Variants in NKAIN3 observed in about 807,000 individuals in gnomAD.
NKAIN3 encodes sodium/potassium-transporting ATPase subunit beta-1-interacting protein 3.
NKAIN3 carries 25 observed loss-of-function variants against 30.2 expected under a neutral mutation model. That is an observed-to-expected ratio of 0.83 (90% CI 0.60 to 1.16). NKAIN3 has a LOEUF of 1.16. Among genes scored for constraint, NKAIN3 ranks in the 50% most tolerant of loss-of-function variants. The probability of loss-of-function intolerance (pLI) is 0.00; values close to 1 mark genes in which losing one functional copy is unlikely to be tolerated. For missense variants in NKAIN3, 225 were observed against 254.1 expected (o/e 0.89, Z 0.78); for synonymous variants, 91 against 89.6 (o/e 1.02, Z -0.09).
chr8:62,808,179 C>T (rs560795567), intron 4 of NKAIN3, among the ~76,000 whole-genome samples: 76 of 152,182 alleles, frequency 5.0e-4, no homozygotes, highest in African/African-American at 1.7e-3. Context: ...GATGTGTCCA[C>T]GTGCTTGTCA....
At chr8:62,634,257 T>G (rs1240447281) in intron 3 of NKAIN3, among the ~76,000 whole-genome samples, 1 of 151,986 alleles carries the variant, frequency 6.6e-6, no homozygotes, top group Non-Finnish European at 1.5e-5. Context: ...ATCTGGACAA[T>G]GAGATACTAG....
chr8:62,527,882 G>GGGGTGTGTGTGT (rs1554543240), intron 1 of NKAIN3, among the ~76,000 whole-genome samples: 1 of 143,690 alleles, frequency 7.0e-6, no homozygotes, highest in African/African-American at 2.6e-5. Context: ...ACTTTTTTTT[G>GGGGTGTGTGTGT]GTGTGTGTGT....
intron 1 of NKAIN3, among the ~76,000 whole-genome samples, chr8:62,287,991 C>T (rs911533354): frequency 1.3e-5 from 2 of 152,152 alleles, no homozygotes; most frequent in Non-Finnish European, 2.9e-5. Context: ...ACCTCTTTCT[C>T]TTCTTTCTAC....
intron 1 of NKAIN3, among the ~76,000 whole-genome samples, chr8:62,540,432 A>C (rs1333711056): frequency 6.6e-6 from 1 of 152,198 alleles, no homozygotes; most frequent in African/African-American, 2.4e-5. Context: ...AGAACTATTC[A>C]TAAGTGAGCC....
intron 3 of NKAIN3, among the ~76,000 whole-genome samples, chr8:62,599,255 C>A (rs2130140043): frequency 6.6e-6 from 1 of 152,108 alleles, no homozygotes; most frequent in African/African-American, 2.4e-5. Context: ...TGTTTTAGTT[C>A]TCCCCATGCC....
At chr8:62,741,382 G>T in intron 3 of NKAIN3, among the ~76,000 whole-genome samples, 1 of 139,634 alleles carries the variant, frequency 7.2e-6, no homozygotes, top group South Asian at 2.2e-4. Flanking sequence ...AAGGAAGGAA[G>T]GAAGGAAGGA....
chr8:62,995,392 T>C (rs1026681322), intron 5 of NKAIN3, among the ~76,000 whole-genome samples: 3 of 151,714 alleles, frequency 2.0e-5, no homozygotes, highest in Admixed American at 6.6e-5. Flanking sequence ...AGCAAGAGAG[T>C]AGATGAATGA....
At chr8:62,701,706 C>A (rs1207297577) in intron 3 of NKAIN3, among the ~76,000 whole-genome samples, 2 of 152,138 alleles carry the variant, frequency 1.3e-5, no homozygotes, top group Non-Finnish European at 2.9e-5. Context: ...TCTCTGGAAC[C>A]CTGTTTCCAT....
chr8:62,492,771 T>G (rs1452396799), intron 1 of NKAIN3, among the ~76,000 whole-genome samples: 1 of 152,166 alleles, frequency 6.6e-6, no homozygotes, highest in Non-Finnish European at 1.5e-5. Context: ...ACTTTCATTT[T>G]AAGTTCAGTA....
chr8:62,575,760 A>G (rs1157474224), intron 1 of NKAIN3, among the ~76,000 whole-genome samples: 1 of 152,172 alleles, frequency 6.6e-6, no homozygotes, highest in East Asian at 1.9e-4. Flanking sequence ...CTGGCATAAA[A>G]ACAGACACAT....
intron 2 of NKAIN3, 55 bp from the exon 3 acceptor site, chr8:62,589,659 A>G: frequency 2.7e-6 from 2 of 731,588 alleles, no homozygotes; most frequent in Non-Finnish European, 4.8e-6. Flanking sequence ...TTTGATATAC[A>G]TGCCTTTCAT....
intron 3 of NKAIN3, among the ~76,000 whole-genome samples, chr8:62,702,940 T>G (rs1814388588): frequency 6.6e-6 from 1 of 152,142 alleles, no homozygotes; most frequent in African/African-American, 2.4e-5. Flanking sequence ...AATAGAAGGA[T>G]TAAAAATAAA....
At position 62,412,251 on chromosome 8, in the gene NKAIN3, A is replaced by G. The variant is rs1374780583; in HGVS notation, c.54+163124A>G. On this transcript the variant is annotated intron_variant, in intron 1 of 6. Transcript: ENST00000623646. Reference sequence around the variant, plus strand: ...ACTAGTGGAACAGAATAGAAAATGCAGAAATAAAGCTACACATTTACAACC... The same window carrying G: ...ACTAGTGGAACAGAATAGAAAATGCGGAAATAAAGCTACACATTTACAACC... 3.3e-5 allele frequency among the ~76,000 whole-genome samples: 5 copies of G among 152,174 alleles called. No individual in the cohort carries two copies. In the East Asian group the frequency reaches 9.6e-4, roughly 29 times the overall value.
At chr8:62,567,139 A>G (rs1486491271) in intron 1 of NKAIN3, among the ~76,000 whole-genome samples, 1 of 152,070 alleles carries the variant, frequency 6.6e-6, no homozygotes, top group Non-Finnish European at 1.5e-5. Flanking sequence ...TGGAATGAAA[A>G]CTTCCAGTGG....
Position 62,413,147 on chromosome 8 carries a change from A to T in NKAIN3, c.54+164020A>T, listed in dbSNP as rs866272596. ...ATCATTAAAAAGTCAAAACCGACAG[A>T]TGCTGGCCAGGCTGTAGATAAAAGG... On this transcript the variant is annotated intron_variant, in intron 1 of 6. Coordinates refer to ENST00000623646, the MANE Select transcript of NKAIN3 (RefSeq NM_001304533.3). Among the ~76,000 whole-genome samples the T allele has an allele frequency of 1.8e-4, 28 of 152,162 alleles. 1 individual carries two copies. Among genetic ancestry groups the T allele is most frequent in the Middle Eastern group, 6.3e-3 (2 of 316 alleles).
intron 1 of NKAIN3, among the ~76,000 whole-genome samples, chr8:62,426,576 G>T (rs1804814366): frequency 6.6e-6 from 1 of 151,898 alleles, no homozygotes; most frequent in Non-Finnish European, 1.5e-5. Flanking sequence ...CAGAATTTCT[G>T]ATTAGCCATT....
intron 4 of NKAIN3, chr8:62,855,200 G>A (rs2130780289): frequency 3.0e-6 from 1 of 332,388 alleles, no homozygotes; most frequent in African/African-American, 2.1e-5. Context: ...ACTTCTATTG[G>A]GCAGACTCTT....
intron 4 of NKAIN3, among the ~76,000 whole-genome samples, chr8:62,765,936 A>T (rs1816823422): frequency 6.6e-6 from 1 of 152,182 alleles, no homozygotes; most frequent in South Asian, 2.1e-4. Context: ...TACAATTAAA[A>T]TTTTATCAAA....
chr8:62,743,734 G>A (rs1349805512), intron 3 of NKAIN3, among the ~76,000 whole-genome samples: 1 of 152,070 alleles, frequency 6.6e-6, no homozygotes, highest in African/African-American at 2.4e-5. Context: ...GTCAACAGAT[G>A]GAGACTATCT....
Sources: allele counts gnomAD v4.1 joint callset (sites outside exome capture counted in the v4.1 genomes callset), GRCh38; gene constraint gnomAD v4.1.1; transcripts MANE v1.5; gene names NCBI Gene and HGNC (gene_info 2026-07-23, HGNC 2026-07-21).